Variants in GRPEL2 observed in about 807,000 individuals in gnomAD.
GRPEL2 encodes the protein grpE protein homolog 2, mitochondrial.
In GRPEL2, 18 loss-of-function variants were observed where a neutral mutation model predicts 25.9. That is an observed-to-expected ratio of 0.70 (90% CI 0.48 to 1.03). The LOEUF (loss-of-function observed/expected upper bound fraction) is 1.03. Among genes scored for constraint, GRPEL2 ranks in the 50% least tolerant of loss-of-function variants. The probability of loss-of-function intolerance (pLI) is 0.00; values close to 1 mark genes in which losing one functional copy is unlikely to be tolerated. For synonymous variants in GRPEL2, 106 were observed against 107.9 expected (o/e 0.98, Z 0.11); for missense variants, 247 against 276.2 (o/e 0.89, Z 0.75).
chr5:149,348,400 T>C lies in GRPEL2; in HGVS notation c.206T>C (p.Leu69Pro). ...GCCTTAAGGGTAAAAGCTGTTAAAC[T>C]GGAGAAAGAAGTCCAAGATTTAACA... is the stretch of plus-strand genomic sequence containing the variant. The part of the protein sequence containing the change: ...ERALRVKAVK[L>P]EKEVQDLTVR... The change falls in exon 2 of 4, where the codon CTG becomes CCG. Residue 69 changes from leucine (L) to proline (P), a missense_variant. Coordinates refer to ENST00000329271, the MANE Select transcript of GRPEL2 (RefSeq NM_152407.4). 1.9e-6 allele frequency: 3 copies of C among 1,610,226 alleles called. No homozygotes were observed. The highest frequency in any genetic ancestry group is 1.7e-6 in the Non-Finnish European group (2 of 1,178,938).
Position 149,346,715 on chromosome 5 carries a change from A to ATTTTTTTTTTTTTTT in GRPEL2, c.77+1125_77+1139dup, listed in dbSNP as rs34300270. 1.0e-4 allele frequency among the ~76,000 whole-genome samples: 6 copies of ATTTTTTTTTTTTTTT among 59,262 alleles called. 1 individual carries two copies. Among genetic ancestry groups the ATTTTTTTTTTTTTTT allele is most frequent in the African/African-American group, 2.5e-4 (3 of 12,206 alleles). The allele number at this position is 59,262 out of a possible 152,430, so 38.9% of individuals were successfully genotyped here. ...TTTTCCCTTTGAACTGGCCCTGAGA[A>ATTTTTTTTTTTTTTT]TTTTTTTTTTTTTTTTTTTTTTTTT... On this transcript the variant is annotated intron_variant, in intron 1 of 3. Coordinates refer to ENST00000329271, the MANE Select transcript of GRPEL2 (RefSeq NM_152407.4).
At chr5:149,348,250 T>C in intron 1 of GRPEL2, 22 bp from the exon 2 acceptor site, 3 of 1,576,886 alleles carry the variant, frequency 1.9e-6, no homozygotes, top group Non-Finnish European at 2.6e-6. Flanking sequence ...CTTCATTATG[T>C]GCCACCTCCT....
At chr5:149,348,878 T>C (rs1188083695) in intron 2 of GRPEL2, among the ~76,000 whole-genome samples, 1 of 151,862 alleles carries the variant, frequency 6.6e-6, no homozygotes, top group East Asian at 1.9e-4. Context: ...GATAGAATGG[T>C]AAGGAGGCTG....
intron 1 of GRPEL2, among the ~76,000 whole-genome samples, chr5:149,346,973 C>T (rs1757700792): frequency 6.6e-6 from 1 of 152,060 alleles, no homozygotes; most frequent in Non-Finnish European, 1.5e-5. Context: ...GATCCGCACG[C>T]CTCGGCCTCC....
In GRPEL2 at chr5:149,351,299, T is replaced by C. The variant is rs777339259; in HGVS notation, c.*17T>C. The C allele has an allele frequency of 8.2e-6, 13 of 1,591,328 alleles. No individual in the cohort carries two copies. In the Admixed American group the frequency reaches 1.5e-4, roughly 19 times the overall value. Reference sequence around the variant, plus strand: ...AGACTGTGAAGAGGCCATCAGGAACTGGATGTTCTCCCAGAGCGCAGTCAC... The same window carrying C: ...AGACTGTGAAGAGGCCATCAGGAACCGGATGTTCTCCCAGAGCGCAGTCAC... On this transcript the variant is annotated 3_prime_UTR_variant, in exon 4 of 4. Transcript: ENST00000329271.
rs1311707536 is a variant in GRPEL2, at chr5:149,345,577, T to C, written c.38T>C (p.Val13Ala). 1.2e-6 allele frequency: 2 copies of C among 1,611,924 alleles called. No homozygotes were observed. Among genetic ancestry groups the C allele is most frequent in the East Asian group, 4.5e-5 (2 of 44,828 alleles). ...TCGCTGTGGGCGGGCCGGCTGCGGG[T>C]GCAGCGCCTACTGGCCTGGAGTGCC... ...VRSLWAGRLR[V>A]QRLLAWSAAW... Residue 13 changes from valine to alanine, a missense_variant, in exon 1 of 4, where the codon GTG (valine) becomes GCG (alanine). By Grantham distance (64) the Val-to-Ala change is moderately conservative (BLOSUM62 0). This residue lies in a region of GRPEL2 where 125 missense variants were observed against 107.0 expected (regional missense o/e 1.17). Coordinates refer to ENST00000329271, the MANE Select transcript of GRPEL2 (RefSeq NM_152407.4).
At chr5:149,348,924 C>T (rs993611891) in intron 2 of GRPEL2, among the ~76,000 whole-genome samples, 17 of 151,538 alleles carry the variant, frequency 1.1e-4, no homozygotes, top group Non-Finnish European at 2.1e-4. Context: ...GAAAGAACCA[C>T]GAATTGTCTT....
At chr5:149,347,065 T>C (rs1383685922) in intron 1 of GRPEL2, among the ~76,000 whole-genome samples, 2 of 151,958 alleles carry the variant, frequency 1.3e-5, no homozygotes, top group Non-Finnish European at 2.9e-5. Flanking sequence ...TGGATAAATG[T>C]GGTTTTTTTA....
At position 149,351,416 on chromosome 5, in the gene GRPEL2, C is replaced by A; in HGVS notation, c.*134C>A. On this transcript the variant is annotated 3_prime_UTR_variant, in exon 4 of 4. Coordinates refer to ENST00000329271, the MANE Select transcript of GRPEL2 (RefSeq NM_152407.4). ...GGATTTAGTCATATTGGCTTTATTTCTAAGATATTCTATTGATTTAATGTG... is the reference window on the plus strand; with the variant it reads ...GGATTTAGTCATATTGGCTTTATTTATAAGATATTCTATTGATTTAATGTG... The A allele has an allele frequency of 3.2e-6, 3 of 927,758 alleles. No individual in the cohort carries two copies. Among genetic ancestry groups the A allele is most frequent in the Admixed American group, 2.8e-5 (1 of 36,110 alleles). The allele number at this position is 927,758 out of a possible 1,614,324, so 57.5% of individuals were successfully genotyped here. A position where few individuals can be genotyped will look rare whatever the true frequency, so the allele number is the denominator to read the frequency against.
At chr5:149,346,715 A>ATTTTTTTTTTTT (rs34300270) in intron 1 of GRPEL2, among the ~76,000 whole-genome samples, 12 of 59,262 alleles carry the variant, frequency 2.0e-4, no homozygotes, top group African/African-American at 4.9e-4. Flanking sequence ...GGCCCTGAGA[A>ATTTTTTTTTTTT]TTTTTTTTTT....
intron 1 of GRPEL2, among the ~76,000 whole-genome samples, chr5:149,346,992 T>C (rs1757701210): frequency 6.6e-6 from 1 of 152,162 alleles, no homozygotes; most frequent in Non-Finnish European, 1.5e-5. Context: ...CCCAAAGTGC[T>C]GGGATTACAG....
rs779794013 is a variant in GRPEL2 at position 149,351,324 on chromosome 5, C to T, written c.*42C>T. 4 of 1,547,468 alleles carry T rather than the reference C, an allele frequency of 2.6e-6. No individual in the cohort carries two copies. Among genetic ancestry groups the T allele is most frequent in the South Asian group, 1.2e-5 (1 of 81,892 alleles). ...TGGATGTTCTCCCAGAGCGCAGTCA[C>T]CTATGTTTCTTTTATTTATTAAACT... On this transcript the variant is annotated 3_prime_UTR_variant, in exon 4 of 4. Coordinates refer to ENST00000329271, the MANE Select transcript of GRPEL2 (RefSeq NM_152407.4).
Position 149,345,523 on chromosome 5 carries a change from C to A in GRPEL2, c.-17C>A. ...CAGCAAGTGCGCGTGCGCTGCCTCT[C>A]AGCCCAAATTGGAAACATGGCCGTA... On this transcript the variant is annotated 5_prime_UTR_variant, in exon 1 of 4. Transcript: ENST00000329271. The A allele has an allele frequency of 6.2e-7, 1 of 1,607,538 alleles. No homozygotes were observed. The highest frequency in any genetic ancestry group is 8.5e-7 in the Non-Finnish European group (1 of 1,177,142).
chr5:149,348,453 T>C (rs1757723367), intron 2 of GRPEL2, 28 bp downstream of exon 2: 2 of 1,553,414 alleles, frequency 1.3e-6, no homozygotes, highest in African/African-American at 1.4e-5. Flanking sequence ...TTCTTCTTCA[T>C]ATCCTCTCTC....
rs920049725 is a variant in GRPEL2 at position 149,353,635 on chromosome 5, A to T, written c.*2353A>T. The T allele has an allele frequency of 6.6e-6, 1 of 150,682 alleles. No homozygotes were observed. The highest frequency in any genetic ancestry group is 1.5e-5 in the Non-Finnish European group (1 of 67,788). The allele number at this position is 150,682 out of a possible 1,614,324, so 9.3% of individuals were successfully genotyped here. On this transcript the variant is annotated 3_prime_UTR_variant, in exon 4 of 4. Coordinates refer to ENST00000329271, the MANE Select transcript of GRPEL2 (RefSeq NM_152407.4). ...GGTTGTTTTTTACAGGCGGGGTCTC[A>T]CTATATTGTCCAGGCTAGAAGAATT...
rs556626495 is a variant in GRPEL2 at position 149,353,318 on chromosome 5, T to C, written c.*2036T>C. Reference sequence around the variant, plus strand: ...TTTTTTGCCTTCCATTCTGTGAGATTTGACAGATGGTGACAATAAGAAAAT... The same window carrying C: ...TTTTTTGCCTTCCATTCTGTGAGATCTGACAGATGGTGACAATAAGAAAAT... On this transcript the variant is annotated 3_prime_UTR_variant, in exon 4 of 4. Transcript: ENST00000329271. 21 of 152,644 alleles carry C rather than the reference T, an allele frequency of 1.4e-4. No individual in the cohort carries two copies. In the South Asian group the frequency reaches 3.7e-3, roughly 27 times the overall value. The allele number at this position is 152,644 out of a possible 1,614,324, so 9.5% of individuals were successfully genotyped here.
At position 149,348,603 on chromosome 5, in the gene GRPEL2, A is replaced by G. The variant is rs186259404; in HGVS notation, c.231+178A>G. 2.0e-3 allele frequency among the ~76,000 whole-genome samples: 311 copies of G among 152,352 alleles called. 8 individuals are homozygous for G. Among genetic ancestry groups the G allele is most frequent in the Admixed American group, 0.019 (289 of 15,302 alleles). On this transcript the variant is annotated intron_variant, in intron 2 of 3. Transcript: ENST00000329271. ...GGCAGAAAAAAACTGTAGTAGTTGA[A>G]AAACACCACTGGCTAAAGATAGTCA...
intron 1 of GRPEL2, among the ~76,000 whole-genome samples, chr5:149,346,060 G>A (rs977470758): frequency 6.6e-6 from 1 of 152,228 alleles, no homozygotes; most frequent in African/African-American, 2.4e-5. Context: ...AACGGCCATT[G>A]CATCAGCCTT....
rs905718696 is a variant in GRPEL2 at position 149,345,722 on chromosome 5, A to C, written c.77+106A>C. ...GGCGAGAGCTATCTGAGCGTAGGCCAGGGGACCAAGCTTCTCGGCCTCTAC... is the reference window on the plus strand; with the variant it reads ...GGCGAGAGCTATCTGAGCGTAGGCCCGGGGACCAAGCTTCTCGGCCTCTAC... On this transcript the variant is annotated intron_variant, in intron 1 of 3. Transcript: ENST00000329271. 24 of 921,528 alleles carry C rather than the reference A, an allele frequency of 2.6e-5. No homozygotes were observed. The African/African-American group carries it at 3.8e-4, about 15-fold the overall frequency. 57.1% of individuals were successfully genotyped at this position (921,528 alleles called of 1,614,324 possible).
Sources: gnomAD v4.1 joint callset for allele counts (sites outside exome capture counted in the v4.1 genomes callset) on GRCh38, gnomAD v4.1.1 for gene constraint, gnomAD v4.1.1 regional missense constraint, MANE v1.5 for transcripts, NCBI Gene and HGNC (gene_info 2026-07-23, HGNC 2026-07-21) for gene names.